Variants in IRAK1BP1 observed in about 807,000 individuals in gnomAD.
The protein encoded by IRAK1BP1 is interleukin-1 receptor-associated kinase 1-binding protein 1.
IRAK1BP1 carries 24 observed loss-of-function variants against 28.0 expected under a neutral mutation model. That is an observed-to-expected ratio of 0.86 (90% CI 0.62 to 1.20). The LOEUF (loss-of-function observed/expected upper bound fraction) is 1.20, where lower values mean the gene tolerates loss of function less well. Among genes scored for constraint, IRAK1BP1 ranks in the 50% most tolerant of loss-of-function variants. IRAK1BP1 has a pLI of 0.00. For missense variants in IRAK1BP1, 336 were observed against 316.7 expected (o/e 1.06, Z -0.46); for synonymous variants, 131 against 116.3 (o/e 1.13, Z -0.81).
At chr6:78,873,254 CAAAAAAAAA>C (rs35962544) in intron 1 of IRAK1BP1, among the ~76,000 whole-genome samples, 1 of 41,106 alleles carries the variant, frequency 2.4e-5, no homozygotes, top group Admixed American at 4.3e-4. Flanking sequence ...AACTCTGTCT[CAAAAAAAAA>C]AAAAAAAAAA....
intron 2 of IRAK1BP1, among the ~76,000 whole-genome samples, chr6:78,890,236 CA>C (rs1198475721): frequency 7.1e-6 from 1 of 141,276 alleles, no homozygotes; most frequent in Non-Finnish European, 1.5e-5. Flanking sequence ...CACATGGACA[CA>C]GGGAGGGGAA....
At chr6:78,974,381 G>C in the IRAK1BP1 span, among the ~76,000 whole-genome samples, 9 of 151,802 alleles carry the variant, frequency 5.9e-5, no homozygotes, top group Non-Finnish European at 8.8e-5. Context: ...AAAGCAGTGT[G>C]TAGAGGGAAA....
At position 78,909,329 on chromosome 6, in the gene IRAK1BP1, C is replaced by T. The variant is rs118104739; in HGVS notation, c.*67+6219C>T. Among the ~76,000 whole-genome samples, 29 of 152,322 alleles carry T rather than the reference C, an allele frequency of 1.9e-4. No individual in the cohort carries two copies. The East Asian group carries it at 5.4e-3, about 28-fold the overall frequency. ...TCAATTTACATTGAGTTTATCCAGACATAATCTCATGGTGAATCAAGGAGC... is the reference window on the plus strand; with the variant it reads ...TCAATTTACATTGAGTTTATCCAGATATAATCTCATGGTGAATCAAGGAGC... On this transcript the variant is annotated intron_variant and NMD_transcript_variant, in intron 4 of 4. Coordinates refer to the IRAK1BP1 transcript ENST00000606868.
At chr6:78,903,212 G>T, downstream of IRAK1BP1, 1 of 613,702 alleles carries the variant, frequency 1.6e-6, no homozygotes, top group Non-Finnish European at 2.7e-6. Flanking sequence ...GCCAGGCATG[G>T]TGGCTCACAT....
chr6:78,873,311 A>G (rs1770862184), intron 1 of IRAK1BP1, among the ~76,000 whole-genome samples: 1 of 151,588 alleles, frequency 6.6e-6, no homozygotes, highest in African/African-American at 2.4e-5. Context: ...TATATTGCAA[A>G]AAATTTTCTC....
intron 1 of IRAK1BP1, chr6:78,872,002 G>A (rs940032562): frequency 2.5e-5 from 15 of 601,018 alleles, no homozygotes; most frequent in Non-Finnish European, 4.2e-5. Flanking sequence ...AGAGTGTAAT[G>A]CCAGGGAATT....
chr6:78,894,508 TAATC>T (rs1435359883), intron 2 of IRAK1BP1, among the ~76,000 whole-genome samples: 4 of 132,784 alleles, frequency 3.0e-5, no homozygotes, highest in African/African-American at 7.8e-5. Flanking sequence ...AAAAGTCAAT[TAATC>T]AAGAGGACAT....
chr6:78,929,080 T>C (rs1276661262), intron 4 of IRAK1BP1, among the ~76,000 whole-genome samples: 1 of 152,172 alleles, frequency 6.6e-6, no homozygotes, highest in African/African-American at 2.4e-5. Context: ...AGTTTCAGTA[T>C]GATTGGTGTT....
At chr6:78,954,189 C>G in the IRAK1BP1 span, among the ~76,000 whole-genome samples, 1 of 152,074 alleles carries the variant, frequency 6.6e-6, no homozygotes, top group South Asian at 2.1e-4. Flanking sequence ...GCAAGCTCCA[C>G]CTCCCGGGTT....
At chr6:78,919,756 T>A (rs1772668121) in intron 4 of IRAK1BP1, among the ~76,000 whole-genome samples, 1 of 152,070 alleles carries the variant, frequency 6.6e-6, no homozygotes, top group African/African-American at 2.4e-5. Flanking sequence ...AAATTCTACC[T>A]GATGTACAAA....
intron 1 of IRAK1BP1, chr6:78,871,766 C>A: frequency 3.9e-6 from 1 of 258,868 alleles, no homozygotes; most frequent in Non-Finnish European, 7.2e-6. Context: ...GGTCCATGCT[C>A]TTAACCACTA....
exon 5 of IRAK1BP1, chr6:78,945,582 G>C: frequency 1.2e-6 from 1 of 847,662 alleles, no homozygotes; most frequent in South Asian, 1.7e-5. Flanking sequence ...ATTTGAATTA[G>C]CCAAGACAAC....
At chr6:78,939,310 T>C (rs1238185188) in intron 4 of IRAK1BP1, 1 of 151,768 alleles carries the variant, frequency 6.6e-6, no homozygotes, top group African/African-American at 2.4e-5. Flanking sequence ...AATCATTAAA[T>C]GGAGTTTTTC....
At chr6:78,922,489 A>C (rs1772763994) in intron 4 of IRAK1BP1, among the ~76,000 whole-genome samples, 1 of 152,226 alleles carries the variant, frequency 6.6e-6, no homozygotes, top group Non-Finnish European at 1.5e-5. Context: ...ACCAAGTTGG[A>C]AAACACTTTG....
downstream of IRAK1BP1, chr6:78,903,185 T>C: frequency 1.3e-6 from 1 of 769,808 alleles, no homozygotes; most frequent in Non-Finnish European, 2.0e-6. Flanking sequence ...TACATAGGGT[T>C]TAAACTTTAT....
rs1771999707 is a variant in IRAK1BP1 at position 78,898,849 on chromosome 6, ATAATTT to A, written c.*519_*524del. ...CACAACTAAAAATGAGTATAAATAC[ATAATTT>A]TAAGTGCATCCTGTCAGGTCTGATA... On this transcript the variant is annotated 3_prime_UTR_variant, in exon 4 of 4. Coordinates refer to ENST00000369940, the MANE Select transcript of IRAK1BP1 (RefSeq NM_001010844.4). 6.6e-6 allele frequency: 1 copy of A among 152,204 alleles called. No individual in the cohort carries two copies. The highest frequency in any genetic ancestry group is 1.5e-5 in the Non-Finnish European group (1 of 68,036). The allele number at this position is 152,204 out of a possible 1,614,324, so 9.4% of individuals were successfully genotyped here. A position where few individuals can be genotyped will look rare whatever the true frequency, so the allele number is the denominator to read the frequency against.
At chr6:78,978,523 T>C in the IRAK1BP1 span, 1 of 1,300,974 alleles carries the variant, frequency 7.7e-7, no homozygotes, top group Non-Finnish European at 1.1e-6. Context: ...AGAAGTCTAT[T>C]TCAAGAGCTG....
chr6:78,967,863 G>A, the IRAK1BP1 span, among the ~76,000 whole-genome samples: 4 of 152,202 alleles, frequency 2.6e-5, no homozygotes, highest in South Asian at 2.1e-4. Context: ...GGCCGGGCGC[G>A]GTGGCTCATG....
the IRAK1BP1 span, among the ~76,000 whole-genome samples, chr6:78,968,274 T>G: frequency 6.6e-6 from 1 of 152,232 alleles, no homozygotes; most frequent in Non-Finnish European, 1.5e-5. Flanking sequence ...ACTTACAGAT[T>G]TCTTCACTCA....
Sources: allele counts gnomAD v4.1 joint callset (sites outside exome capture counted in the v4.1 genomes callset), GRCh38; gene constraint gnomAD v4.1.1; transcripts MANE v1.5; gene names NCBI Gene and HGNC (gene_info 2026-07-23, HGNC 2026-07-21).